The following ARHGAP29 variants were observed in gnomAD, a reference collection of about 807,000 sequenced individuals.
ARHGAP29 encodes rho GTPase-activating protein 29.
A neutral mutation model predicts 122.6 loss-of-function variants in ARHGAP29; 43 were observed. That is an observed-to-expected ratio of 0.35 (90% CI 0.27 to 0.45). The LOEUF (loss-of-function observed/expected upper bound fraction) is 0.45, where lower values mean the gene tolerates loss of function less well. Ranked by LOEUF, ARHGAP29 falls within the 20% of genes least tolerant of loss-of-function variation. The probability of loss-of-function intolerance (pLI) is 1.00; values close to 1 mark genes in which losing one functional copy is unlikely to be tolerated. For synonymous variants in ARHGAP29, 506 were observed against 497.1 expected, an observed-to-expected ratio of 1.02 and a Z score of -0.24; for missense variants, 1,303 against 1,477.2, an observed-to-expected ratio of 0.88 and a Z score of 1.93.
At chr1:94,218,427 G>T (rs1652085377) in intron 3 of ARHGAP29, among the ~76,000 whole-genome samples, 2 of 152,148 alleles carry the variant, frequency 1.3e-5, no homozygotes, top group African/African-American at 4.8e-5. Context: ...GATCTTCAAG[G>T]TATCTGAGAG....
chr1:94,256,071 A>G (rs1348664349), intron 1 of ARHGAP29, among the ~76,000 whole-genome samples: 1 of 152,192 alleles, frequency 6.6e-6, no homozygotes, highest in Non-Finnish European at 1.5e-5. Flanking sequence ...TTCAGCTACT[A>G]AGAAACCTGT....
intron 1 of ARHGAP29, among the ~76,000 whole-genome samples, chr1:94,255,577 G>C (rs1038405729): frequency 2.0e-5 from 3 of 152,190 alleles, no homozygotes; most frequent in Non-Finnish European, 4.4e-5. Flanking sequence ...TATCCAACTT[G>C]TTAAGTGCGG....
At chr1:94,194,273 C>G (rs1650307225) in intron 12 of ARHGAP29, 1 of 152,160 alleles carries the variant, frequency 6.6e-6, no homozygotes. Flanking sequence ...CATTACTACA[C>G]TTTCAGGTAA....
intron 5 of ARHGAP29, 152 bp from the exon 6 acceptor site, chr1:94,205,835 G>T (rs1340632644): frequency 1.4e-5 from 9 of 634,312 alleles, no homozygotes; most frequent in Non-Finnish European, 2.5e-5. Flanking sequence ...CTGTTTAAGT[G>T]CCAGAACACT....
At chr1:94,264,421 T>C (rs1654680220) in intron 1 of ARHGAP29, among the ~76,000 whole-genome samples, 1 of 152,018 alleles carries the variant, frequency 6.6e-6, no homozygotes, top group African/African-American at 2.4e-5. Context: ...CCCCTACTAA[T>C]CAGTAGGGGT....
chr1:94,283,198 G>A, the ARHGAP29 span, among the ~76,000 whole-genome samples: 1 of 152,074 alleles, frequency 6.6e-6, no homozygotes, highest in Non-Finnish European at 1.5e-5. Flanking sequence ...TGTTTTTGTA[G>A]CAAGTAACCA....
At chr1:94,222,593 T>C (rs866672217) in intron 2 of ARHGAP29, among the ~76,000 whole-genome samples, 1 of 152,102 alleles carries the variant, frequency 6.6e-6, no homozygotes, top group Non-Finnish European at 1.5e-5. Context: ...TGAGGAAAGT[T>C]TGAGAAGCTT....
chr1:94,264,987 G>T (rs1014430239), intron 1 of ARHGAP29, among the ~76,000 whole-genome samples: 1 of 152,142 alleles, frequency 6.6e-6, no homozygotes, highest in African/African-American at 2.4e-5. Flanking sequence ...GCCCTGGCCC[G>T]TATGTTACAA....
chr1:94,314,000 A>G, the ARHGAP29 span, among the ~76,000 whole-genome samples: 1 of 152,204 alleles, frequency 6.6e-6, no homozygotes, highest in African/African-American at 2.4e-5. Flanking sequence ...GGGGAGGGAT[A>G]GCATTATGAG....
chr1:94,190,352 C>T (rs1005136187), intron 12 of ARHGAP29: 2 of 294,090 alleles, frequency 6.8e-6, no homozygotes, highest in East Asian at 6.6e-5. Context: ...AACTCCATGC[C>T]CCAGCTGGTT....
Position 94,203,117 on chromosome 1 carries a change from C to G in ARHGAP29, c.856G>C (p.Ala286Pro). 6.2e-7 allele frequency: 1 copy of G among 1,612,620 alleles called. No individual in the cohort carries two copies. The highest frequency in any genetic ancestry group is 8.5e-7 in the Non-Finnish European group (1 of 1,179,358). The change falls in exon 9 of 23, where the codon GCT becomes CCT. Residue 286 changes from alanine to proline, a missense_variant. Ala to Pro is a conservative substitution (Grantham distance 27). Coordinates refer to ENST00000260526, the MANE Select transcript of ARHGAP29 (RefSeq NM_004815.4). ...ATCTTTACCTGCACAAATTTGTTAG[C>G]CTGGAGAGCTGCAATTGTTTGTTGT... ...LLQQTIAALQ[A>P]NKFVQPLLGR...
At position 94,235,639 on chromosome 1, in the gene ARHGAP29, C is replaced by T. The variant is rs149308474; in HGVS notation, c.-33+1776G>A. ...GCTTCCAAGTGAAATTTGAACTGTG[C>T]AAATAGACTTGTGCAAAATATTTTT... On this transcript the variant is annotated intron_variant, in intron 1 of 22. Transcript: ENST00000260526. Among the ~76,000 whole-genome samples the T allele has an allele frequency of 1.3e-3, 192 of 152,274 alleles. 1 individual carries two copies. Among genetic ancestry groups the T allele is most frequent in the African/African-American group, 4.5e-3 (186 of 41,548 alleles).
At chr1:94,261,924 T>A (rs1230846235) in intron 1 of ARHGAP29, among the ~76,000 whole-genome samples, 1 of 152,098 alleles carries the variant, frequency 6.6e-6, no homozygotes, top group African/African-American at 2.4e-5. Context: ...TATGGAACCA[T>A]AAAATGAGCC....
intron 1 of ARHGAP29, among the ~76,000 whole-genome samples, chr1:94,265,932 T>C (rs1654754899): frequency 6.6e-6 from 1 of 152,158 alleles, no homozygotes; most frequent in African/African-American, 2.4e-5. Context: ...TCCATGAGTG[T>C]CTGGTGCCCC....
At chr1:94,210,648 TG>T (rs1410131724) in intron 3 of ARHGAP29, among the ~76,000 whole-genome samples, 3 of 152,172 alleles carry the variant, frequency 2.0e-5, no homozygotes, top group Admixed American at 2.0e-4. Flanking sequence ...TCTTAAATAA[TG>T]GGCATTTAAA....
At chr1:94,266,362 C>T (rs1654771911) in intron 1 of ARHGAP29, among the ~76,000 whole-genome samples, 1 of 152,184 alleles carries the variant, frequency 6.6e-6, no homozygotes, top group African/African-American at 2.4e-5. Context: ...CCAGAAACTC[C>T]TCTCAACAAA....
chr1:94,212,957 A>C (rs1021661973), intron 3 of ARHGAP29, among the ~76,000 whole-genome samples: 7 of 151,964 alleles, frequency 4.6e-5, no homozygotes, highest in Admixed American at 3.9e-4. Flanking sequence ...ATTTTTTCTT[A>C]TGTTACTAAC....
intron 1 of ARHGAP29, among the ~76,000 whole-genome samples, chr1:94,255,605 C>G (rs1557891003): frequency 6.6e-6 from 1 of 152,310 alleles, no homozygotes; most frequent in East Asian, 1.9e-4. Flanking sequence ...TCCTAATATT[C>G]ACAAGTCACA....
the ARHGAP29 span, among the ~76,000 whole-genome samples, chr1:94,309,073 A>G: frequency 6.6e-6 from 1 of 152,288 alleles, no homozygotes; most frequent in Non-Finnish European, 1.5e-5. Flanking sequence ...CAGGGGAGCC[A>G]TTGGCTCAGG....
Sources: allele counts gnomAD v4.1 joint callset (sites outside exome capture counted in the v4.1 genomes callset), GRCh38; gene constraint gnomAD v4.1.1; transcripts MANE v1.5; gene names NCBI Gene and HGNC (gene_info 2026-07-23, HGNC 2026-07-21).